TSGA10: variants seen among roughly 807,000 people sequenced by gnomAD.
TSGA10 encodes the protein testis specific 10, also known as testis-specific gene 10 protein.
Under a neutral mutation model 96.6 loss-of-function variants are expected in TSGA10, and 43 were observed. The ratio of observed to expected loss-of-function variants is 0.44; its 90% CI spans 0.35 to 0.57. TSGA10 has a LOEUF of 0.57. Among genes scored for constraint, TSGA10 ranks in the 20% least tolerant of loss-of-function variants. The pLI, the probability that TSGA10 is intolerant of heterozygous loss-of-function variation, is 0.01. For missense variants in TSGA10, 703 were observed against 834.4 expected (o/e 0.84, Z 1.94); for synonymous variants, 229 against 269.9 (o/e 0.85, Z 1.48).
intron 7 of TSGA10, 71 bp from the exon 8 acceptor site, chr2:99,105,768 T>C: frequency 7.4e-7 from 1 of 1,349,470 alleles, no homozygotes; most frequent in Non-Finnish European, 1.0e-6. Flanking sequence ...TTTATGTATC[T>C]AGCCAGTTAA....
At chr2:99,019,115 T>C (rs1049752908) in intron 18 of TSGA10, among the ~76,000 whole-genome samples, 2 of 152,148 alleles carry the variant, frequency 1.3e-5, no homozygotes, top group African/African-American at 4.8e-5. Flanking sequence ...AGAATCTTCC[T>C]TAAGGCTAAA....
intron 10 of TSGA10, among the ~76,000 whole-genome samples, chr2:99,097,433 T>C (rs2090186600): frequency 6.6e-6 from 1 of 152,170 alleles, no homozygotes; most frequent in Non-Finnish European, 1.5e-5. Flanking sequence ...TTTATATATA[T>C]AGTTATACAC....
chr2:99,115,736 T>A (rs1345725667), intron 4 of TSGA10, among the ~76,000 whole-genome samples: 1 of 152,002 alleles, frequency 6.6e-6, no homozygotes, highest in East Asian at 1.9e-4. Flanking sequence ...GAAAATTAGA[T>A]GGGTGTGGTC....
At chr2:99,032,458 T>C (rs2081228534) in intron 17 of TSGA10, among the ~76,000 whole-genome samples, 2 of 152,204 alleles carry the variant, frequency 1.3e-5, no homozygotes, top group African/African-American at 4.8e-5. Context: ...TAATATGTAG[T>C]GACCGGCTAT....
At chr2:99,075,305 T>C (rs1333496659) in intron 12 of TSGA10, among the ~76,000 whole-genome samples, 2 of 152,216 alleles carry the variant, frequency 1.3e-5, no homozygotes, top group African/African-American at 4.8e-5. Context: ...GGGATGTAGA[T>C]TCATGTTAAC....
At chr2:99,010,271 G>A (rs192547410) in intron 20 of TSGA10, among the ~76,000 whole-genome samples, 248 of 152,294 alleles carry the variant, frequency 1.6e-3, no homozygotes, top group Middle Eastern at 3.4e-3. Context: ...TGGAAGGACA[G>A]AACAGTGTTA....
chr2:99,071,500 C>T (rs1013324114), intron 14 of TSGA10, among the ~76,000 whole-genome samples: 1 of 151,878 alleles, frequency 6.6e-6, no homozygotes, highest in Admixed American at 6.6e-5. Flanking sequence ...ACAAATATAG[C>T]CCTGTTCTCT....
intron 16 of TSGA10, among the ~76,000 whole-genome samples, chr2:99,037,436 T>A (rs1307002019): frequency 6.6e-6 from 1 of 152,214 alleles, no homozygotes. Flanking sequence ...ATTTAGAATA[T>A]TTTGAATGAA....
intron 17 of TSGA10, among the ~76,000 whole-genome samples, chr2:99,031,840 G>A (rs564959282): frequency 6.6e-6 from 1 of 152,290 alleles, no homozygotes; most frequent in African/African-American, 2.4e-5. Context: ...CACAGGCAAG[G>A]GATCTCAGTT....
chr2:99,128,219 G>A (rs1199633281), intron 1 of TSGA10, among the ~76,000 whole-genome samples: 1 of 152,050 alleles, frequency 6.6e-6, no homozygotes, highest in Non-Finnish European at 1.5e-5. Context: ...TAGACAGGCC[G>A]GCAGATTTAT....
intron 20 of TSGA10, among the ~76,000 whole-genome samples, chr2:99,000,499 A>G (rs988631390): frequency 1.3e-5 from 2 of 151,436 alleles, no homozygotes; most frequent in African/African-American, 2.4e-5. Context: ...GACAAGAGTG[A>G]AACTCTGACT....
At chr2:99,127,512 G>A (rs1284157425) in intron 1 of TSGA10, among the ~76,000 whole-genome samples, 1 of 152,058 alleles carries the variant, frequency 6.6e-6, no homozygotes, top group African/African-American at 2.4e-5. Context: ...TACGTTTGCT[G>A]TTGCTACTCT....
chr2:99,125,408 A>G (rs1214922784), intron 2 of TSGA10: 1 of 151,992 alleles, frequency 6.6e-6, no homozygotes, highest in Non-Finnish European at 1.5e-5. Context: ...TCTTCTTTAC[A>G]TCTCTTATTT....
In TSGA10 at chr2:99,102,434, G is replaced by C. The variant is rs536302759; in HGVS notation, c.611+1533C>G. On this transcript the variant is annotated intron_variant, in intron 10 of 20. Transcript: ENST00000393483. ...GAAAACAAGGTGAAATGAGAGAAAT[G>C]CAACAGCTTTCAGGTGGACAGAAAT... 328 of 1,613,934 alleles carry C rather than the reference G, an allele frequency of 2.0e-4. No homozygotes were observed. In the African/African-American group the frequency reaches 3.8e-3, roughly 19 times the overall value.
At chr2:99,081,429 G>A (rs2087481895) in intron 10 of TSGA10, 32 bp from the exon 11 acceptor site, 1 of 1,357,574 alleles carries the variant, frequency 7.4e-7, no homozygotes, top group South Asian at 1.5e-5. Flanking sequence ...AACTAATTCT[G>A]AAATTTTTGT....
rs1262166437 is a variant in TSGA10 at position 99,141,497 on chromosome 2, C to T, written c.-621+13196G>A. ...GCTCCTACGCACGGAGCGACGCGTA[C>T]GTCTACCTGCCTGCCTTACAGGGCA... On this transcript the variant is annotated intron_variant, in intron 1 of 20. Coordinates refer to ENST00000393483, the MANE Select transcript of TSGA10 (RefSeq NM_025244.4). 1.9e-5 allele frequency: 3 copies of T among 156,314 alleles called. No homozygotes were observed. The Admixed American group carries it at 2.0e-4, about 10-fold the overall frequency. 9.7% of individuals were successfully genotyped at this position (156,314 alleles called of 1,614,324 possible).
chr2:99,008,556 T>C (rs2078699333), intron 20 of TSGA10, among the ~76,000 whole-genome samples: 1 of 152,240 alleles, frequency 6.6e-6, no homozygotes, highest in Non-Finnish European at 1.5e-5. Context: ...TTAGTGACGC[T>C]GTGGGGAAAC....
At chr2:99,070,501 AAT>A (rs1396599571) in intron 14 of TSGA10, among the ~76,000 whole-genome samples, 3 of 152,292 alleles carry the variant, frequency 2.0e-5, no homozygotes, top group African/African-American at 7.2e-5. Flanking sequence ...CAATTAAAAA[AAT>A]ATGTCAAATA....
At chr2:99,001,662 G>C (rs903762996) in intron 20 of TSGA10, among the ~76,000 whole-genome samples, 12 of 152,170 alleles carry the variant, frequency 7.9e-5, no homozygotes, top group Non-Finnish European at 1.8e-4. Context: ...GTAGACTTCA[G>C]AGGATCAGTA....
Sources: allele counts gnomAD v4.1 joint callset (sites outside exome capture counted in the v4.1 genomes callset), GRCh38; gene constraint gnomAD v4.1.1; transcripts MANE v1.5; gene names NCBI Gene and HGNC (gene_info 2026-07-23, HGNC 2026-07-21).